KIF26B: variants seen among roughly 807,000 people sequenced by gnomAD.
KIF26B encodes kinesin-like protein KIF26B.
Under a neutral mutation model 151.2 loss-of-function variants are expected in KIF26B, and 63 were observed. The ratio of observed to expected loss-of-function variants is 0.42; its 90% confidence interval spans 0.34 to 0.51. KIF26B has a LOEUF of 0.51. Among genes scored for constraint, KIF26B ranks in the 20% least tolerant of loss-of-function variants. The pLI, the probability that KIF26B is intolerant of heterozygous loss-of-function variation, is 0.07. For synonymous variants in KIF26B, 1,357 were observed against 1,262.1 expected, an observed-to-expected ratio of 1.08 and a Z score of -1.59; for missense variants, 2,813 against 2,913.6, an observed-to-expected ratio of 0.97 and a Z score of 0.79.
At chr1:245,407,007 T>C (rs1226606829) in intron 3 of KIF26B, among the ~76,000 whole-genome samples, 1 of 152,096 alleles carries the variant, frequency 6.6e-6, no homozygotes, top group Non-Finnish European at 1.5e-5. Context: ...AGGCTGGTCT[T>C]GAACCCCTGA....
chr1:245,686,301 C>G lies in KIF26B; in HGVS notation c.3318C>G (p.Pro1106=). 6.2e-7 allele frequency: 1 copy of G among 1,613,078 alleles called. No individual in the cohort carries two copies. Among genetic ancestry groups the G allele is most frequent in the Non-Finnish European group, 8.5e-7 (1 of 1,179,866 alleles). ...GVLPSPAPLP[P]SSKDSGVASR... ...TGCCGTCTCCCGCCCCACTGCCTCC[C>G]TCGAGCAAGGATTCCGGCGTGGCGT... Residue 1106 remains proline, a synonymous_variant, in exon 12 of 15, where the codon CCC becomes CCG. Transcript: ENST00000407071. The surrounding 1 kb of genome is among the most constrained non-coding windows in gnomAD (Gnocchi z 5.6).
intron 10 of KIF26B, among the ~76,000 whole-genome samples, chr1:245,658,805 C>G (rs542107219): frequency 6.6e-6 from 1 of 152,160 alleles, no homozygotes; most frequent in Admixed American, 6.5e-5. Flanking sequence ...TCCTTTCCCC[C>G]CTCCTAATTC....
intron 2 of KIF26B, among the ~76,000 whole-genome samples, chr1:245,186,433 C>T (rs1007335029): frequency 6.6e-6 from 1 of 152,218 alleles, no homozygotes; most frequent in Non-Finnish European, 1.5e-5. Context: ...ACCAGCTAAA[C>T]AGCCTTAATA....
chr1:245,620,299 T>TA (rs1211685135), intron 9 of KIF26B, among the ~76,000 whole-genome samples: 2 of 152,122 alleles, frequency 1.3e-5, no homozygotes, highest in African/African-American at 4.8e-5. Context: ...TTTAAGAGCT[T>TA]AAAAAAACAC....
chr1:245,666,951 T>C (rs1426382267), intron 10 of KIF26B, among the ~76,000 whole-genome samples: 6 of 152,070 alleles, frequency 3.9e-5, no homozygotes, highest in Admixed American at 3.9e-4. Context: ...GTTCTGACTG[T>C]TCCTCTTCGG....
intron 4 of KIF26B, among the ~76,000 whole-genome samples, chr1:245,492,088 A>T (rs1295888761): frequency 6.6e-6 from 1 of 152,142 alleles, no homozygotes; most frequent in Non-Finnish European, 1.5e-5. Context: ...AGCTTCCACG[A>T]TACTCTGTGC....
At chr1:245,549,778 C>T (rs891953063) in intron 5 of KIF26B, among the ~76,000 whole-genome samples, 20 of 144,088 alleles carry the variant, frequency 1.4e-4, no homozygotes, top group Non-Finnish European at 1.1e-4. Context: ...AGAATAATTC[C>T]GATACATTCT....
intron 4 of KIF26B, among the ~76,000 whole-genome samples, chr1:245,522,026 T>A (rs145109213): frequency 2.0e-5 from 3 of 150,620 alleles, no homozygotes; most frequent in Non-Finnish European, 4.5e-5. Context: ...CCCGCCACCA[T>A]GCCCGGCTAA....
At chr1:245,591,891 C>T (rs1326975422) in intron 5 of KIF26B, among the ~76,000 whole-genome samples, 1 of 152,184 alleles carries the variant, frequency 6.6e-6, no homozygotes, top group East Asian at 1.9e-4. Flanking sequence ...GGACCTGGCC[C>T]CCCAAGCCTG....
intron 2 of KIF26B, among the ~76,000 whole-genome samples, chr1:245,223,686 AG>A (rs1438856449): frequency 2.0e-5 from 3 of 152,200 alleles, no homozygotes; most frequent in African/African-American, 7.2e-5. Flanking sequence ...CAGTTCTGCA[AG>A]TGTGTTCTGC....
chr1:245,169,328 G>GGTGTGTGGGGGTGT lies in KIF26B; in HGVS notation c.465+12652_465+12653insGGGGTGTGTGTGTG, dbSNP rs56332945. The stretch of plus-strand genomic sequence containing the variant: ...TGCACTCGACTTTCTAACGGGCCAT[G>GGTGTGTGGGGGTGT]GTGTGTGTGTGTGTGTGTGTGTGTG... On this transcript the variant is annotated intron_variant, in intron 2 of 14. Transcript: ENST00000407071. Among the ~76,000 whole-genome samples, 604 of 134,174 alleles carry GGTGTGTGGGGGTGT rather than the reference G, an allele frequency of 4.5e-3. 2 individuals carry two copies. Among genetic ancestry groups the GGTGTGTGGGGGTGT allele is most frequent in the Middle Eastern group, 0.022 (6 of 278 alleles). The allele number at this position is 134,174 out of a possible 152,430, so 88.0% of individuals were successfully genotyped here.
At chr1:245,374,108 T>G (rs1299741615) in intron 3 of KIF26B, among the ~76,000 whole-genome samples, 1 of 37,756 alleles carries the variant, frequency 2.6e-5, no homozygotes, top group Non-Finnish European at 4.0e-5. Flanking sequence ...TATATATATA[T>G]ATATATATAT....
rs565325324 is a variant in KIF26B at position 245,182,816 on chromosome 1, T to C, written c.465+26133T>C. On this transcript the variant is annotated intron_variant, in intron 2 of 14. Coordinates refer to ENST00000407071, the MANE Select transcript of KIF26B (RefSeq NM_018012.4). ...ATGCCTGGCTAATTTTTTGTATTTT[T>C]AGTAGAGACAGGGTTTCACCGTGTT... Among the ~76,000 whole-genome samples the C allele has an allele frequency of 3.9e-5, 6 of 152,222 alleles. No individual in the cohort carries two copies. The South Asian group carries it at 1.2e-3, about 32-fold the overall frequency.
chr1:245,663,061 C>T (rs2044174937), intron 10 of KIF26B, among the ~76,000 whole-genome samples: 1 of 151,288 alleles, frequency 6.6e-6, no homozygotes, highest in Non-Finnish European at 1.5e-5. Context: ...CTATTTTGTC[C>T]TACAAATTTT....
chr1:245,258,892 C>T (rs180990063), intron 2 of KIF26B, among the ~76,000 whole-genome samples: 5 of 152,188 alleles, frequency 3.3e-5, no homozygotes, highest in African/African-American at 7.2e-5. Flanking sequence ...TTTTCCCATG[C>T]GTGAGCCCTC....
Position 245,516,880 on chromosome 1 carries a change from C to T in KIF26B, c.1167-23887C>T, listed in dbSNP as rs986994255. Among the ~76,000 whole-genome samples, 5 of 139,962 alleles carry T rather than the reference C, an allele frequency of 3.6e-5. No homozygotes were observed. The highest frequency in any genetic ancestry group is 7.7e-5 in the African/African-American group (3 of 39,086). The allele number at this position is 139,962 out of a possible 152,430, so 91.8% of individuals were successfully genotyped here. On this transcript the variant is annotated intron_variant, in intron 4 of 14. Coordinates refer to ENST00000407071, the MANE Select transcript of KIF26B (RefSeq NM_018012.4). This position sits in a 1 kb window ranked among gnomAD's most constrained non-coding sequence, Gnocchi z 4.2. ...CTGGGGACTAAAAGCTGGTGATTGG[C>T]GGAGTTTGGGGGTGGGGAGGGGGCG... is the stretch of plus-strand genomic sequence containing the variant.
At position 245,305,831 on chromosome 1, in the gene KIF26B, G is replaced by A. The variant is rs533326851; in HGVS notation, c.466-61003G>A. Among the ~76,000 whole-genome samples, 5 of 150,810 alleles carry A rather than the reference G, an allele frequency of 3.3e-5. No homozygotes were observed. In the East Asian group the frequency reaches 9.8e-4, roughly 30 times the overall value. On this transcript the variant is annotated intron_variant, in intron 2 of 14. Coordinates refer to ENST00000407071, the MANE Select transcript of KIF26B (RefSeq NM_018012.4). ...CGGGCGCCTGTAGTCCCAGCTACTC[G>A]GGAGACTGAGGCAGAAGAATGGCTT...
intron 5 of KIF26B, among the ~76,000 whole-genome samples, chr1:245,561,889 G>A (rs906379891): frequency 3.9e-5 from 6 of 152,234 alleles, no homozygotes; most frequent in Admixed American, 2.0e-4. Flanking sequence ...TGACGTAAAT[G>A]TCAGAGGTGG....
At chr1:245,649,597 C>T (rs1164506851) in intron 10 of KIF26B, among the ~76,000 whole-genome samples, 2 of 152,190 alleles carry the variant, frequency 1.3e-5, no homozygotes, top group South Asian at 2.1e-4. Context: ...CTTGAGGTTT[C>T]CTCTTACTCC....
Sources: allele counts gnomAD v4.1 joint callset (sites outside exome capture counted in the v4.1 genomes callset), GRCh38; gene constraint gnomAD v4.1.1; non-coding constraint Gnocchi (gnomAD v3.1); transcripts MANE v1.5; gene names NCBI Gene and HGNC (gene_info 2026-07-23, HGNC 2026-07-21).